Variants in WDTC1 observed in about 807,000 individuals in gnomAD.
WDTC1 encodes the protein WD and tetratricopeptide repeats 1.
In WDTC1, 12 loss-of-function variants were observed where a neutral mutation model predicts 76.0. The observed-to-expected ratio is 0.16, with a 90% CI of 0.10 to 0.26. WDTC1 has a LOEUF of 0.26. Ranked by LOEUF, WDTC1 falls within the 10% of genes least tolerant of loss-of-function variation. The pLI is 1.00. For missense variants in WDTC1, 511 were observed against 908.8 expected, an observed-to-expected ratio of 0.56 and a Z score of 5.63; for synonymous variants, 326 against 350.8, an observed-to-expected ratio of 0.93 and a Z score of 0.79.
intron 9 of WDTC1, 84 bp downstream of exon 9, chr1:27,294,713 G>T: frequency 8.4e-7 from 1 of 1,196,828 alleles, no homozygotes; most frequent in Non-Finnish European, 1.2e-6. Context: ...CACTGCTGAG[G>T]CAGACAAGAC....
chr1:27,256,059 G>T (rs1275996065), intron 1 of WDTC1, among the ~76,000 whole-genome samples: 1 of 152,138 alleles, frequency 6.6e-6, no homozygotes, highest in African/African-American at 2.4e-5. Flanking sequence ...TTATTGAAAA[G>T]ATATTAAGGA....
Position 27,263,203 on chromosome 1 carries a change from A to G in WDTC1, c.100A>G (p.Ile34Val), listed in dbSNP as rs541475385. 2 of 1,613,502 alleles carry G rather than the reference A, an allele frequency of 1.2e-6. No homozygotes were observed. The highest frequency in any genetic ancestry group is 1.7e-5 in the Admixed American group (1 of 59,968). Residue 34 changes from isoleucine to valine, a missense_variant, in exon 3 of 16, where the codon ATC becomes GTC. Coordinates refer to ENST00000319394, the MANE Select transcript of WDTC1 (RefSeq NM_001276252.2). ...GCGCTACCATGTCACTGACCCCTTT[A>G]TCCGGCGGCTGGGCCTGGAAGCAGA... The part of the protein sequence containing the change: ...ERRYHVTDPF[I>V]RRLGLEAELQ...
At position 27,265,214 on chromosome 1, in the gene WDTC1, C is replaced by A. The variant is rs2147937464; in HGVS notation, c.132+1979C>A. Among the ~76,000 whole-genome samples the A allele has an allele frequency of 1.3e-5, 2 of 152,244 alleles. 1 individual carries two copies. Among genetic ancestry groups the A allele is most frequent in the South Asian group, 4.1e-4 (2 of 4,830 alleles). On this transcript the variant is annotated intron_variant, in intron 3 of 15. Coordinates refer to ENST00000319394, the MANE Select transcript of WDTC1 (RefSeq NM_001276252.2). ...ATTCAAATATTCCTTCCAATTCCAGCTTCTTTGTGAGGCTGGATTTTTTTC... is the reference window on the plus strand; with the variant it reads ...ATTCAAATATTCCTTCCAATTCCAGATTCTTTGTGAGGCTGGATTTTTTTC...
chr1:27,260,529 C>T (rs2012444798), intron 1 of WDTC1, among the ~76,000 whole-genome samples: 1 of 152,096 alleles, frequency 6.6e-6, no homozygotes, highest in African/African-American at 2.4e-5. Flanking sequence ...GTCTGTGATA[C>T]TGATTTGGTT....
At chr1:27,250,726 T>C (rs998692705) in intron 1 of WDTC1, among the ~76,000 whole-genome samples, 3 of 152,126 alleles carry the variant, frequency 2.0e-5, no homozygotes, top group Non-Finnish European at 2.9e-5. Flanking sequence ...ATATTACCAT[T>C]CAATTCTTGG....
At chr1:27,287,528 A>G (rs2013374878) in intron 5 of WDTC1, 146 bp from the exon 6 acceptor site, 6 of 844,614 alleles carry the variant, frequency 7.1e-6, no homozygotes, top group Non-Finnish European at 1.1e-5. Flanking sequence ...CTGGGATTAC[A>G]GGCATGAGCC....
At position 27,304,032 on chromosome 1, in the gene WDTC1, T is replaced by C. The variant is rs1171443325; in HGVS notation, c.1643+237T>C. On this transcript the variant is annotated intron_variant, in intron 14 of 15. Coordinates refer to ENST00000319394, the MANE Select transcript of WDTC1 (RefSeq NM_001276252.2). The stretch of plus-strand genomic sequence containing the variant: ...CTAATAAGATAACCCAAGTAGAGCC[T>C]CCAGCGCAGTGCCTGAACTACTCCT... The C allele has an allele frequency of 8.3e-6, 4 of 482,472 alleles. No individual in the cohort carries two copies. In the East Asian group the frequency reaches 1.7e-4, roughly 21 times the overall value. The allele number at this position is 482,472 out of a possible 1,614,324, so 29.9% of individuals were successfully genotyped here.
At chr1:27,260,150 G>GCTGGAGA (rs1421036096) in intron 1 of WDTC1, among the ~76,000 whole-genome samples, 1 of 152,112 alleles carries the variant, frequency 6.6e-6, no homozygotes, top group African/African-American at 2.4e-5. Context: ...TGTCGCCCAG[G>GCTGGAGA]CTGGAGTGCA....
chr1:27,248,931 A>G (rs1243147704), intron 1 of WDTC1, among the ~76,000 whole-genome samples: 1 of 152,150 alleles, frequency 6.6e-6, no homozygotes, highest in Non-Finnish European at 1.5e-5. Flanking sequence ...TGCTGGGATT[A>G]TAGACGTGAG....
chr1:27,303,875 A>G lies in WDTC1; in HGVS notation c.1643+80A>G. On this transcript the variant is annotated intron_variant, in intron 14 of 15. Coordinates refer to ENST00000319394, the MANE Select transcript of WDTC1 (RefSeq NM_001276252.2). The surrounding 1 kb of genome is among the most constrained non-coding windows in gnomAD (Gnocchi z 4.8). ...GGGAGTGTTGGGGCATAATGGTTTC[A>G]GAGAAGAATCTCAAATCCCTGCTCT... 6.4e-7 allele frequency: 1 copy of G among 1,561,430 alleles called. No homozygotes were observed. Among genetic ancestry groups the G allele is most frequent in the East Asian group, 2.3e-5 (1 of 43,186 alleles).
chr1:27,266,742 A>G (rs2012686577), intron 3 of WDTC1, among the ~76,000 whole-genome samples: 1 of 152,184 alleles, frequency 6.6e-6, no homozygotes, highest in African/African-American at 2.4e-5. Flanking sequence ...ATAATAGTTT[A>G]TCTTTGGCAT....
chr1:27,268,447 C>G (rs1415849759), intron 3 of WDTC1, among the ~76,000 whole-genome samples: 2 of 151,870 alleles, frequency 1.3e-5, no homozygotes, highest in African/African-American at 4.8e-5. Flanking sequence ...GTGACAGAGT[C>G]TTGCCCTGTC....
At chr1:27,241,628 C>T (rs2147900064) in intron 1 of WDTC1, among the ~76,000 whole-genome samples, 1 of 152,282 alleles carries the variant, frequency 6.6e-6, no homozygotes, top group Non-Finnish European at 1.5e-5. Context: ...CCAGAGCCTT[C>T]TCTACAAGAG....
chr1:27,238,511 A>G (rs1196266222), intron 1 of WDTC1, among the ~76,000 whole-genome samples: 2 of 152,046 alleles, frequency 1.3e-5, no homozygotes, highest in African/African-American at 2.4e-5. Context: ...ACAGAGTCTT[A>G]CTTCGTCATC....
At chr1:27,252,818 AAAAAG>A (rs909049524) in intron 1 of WDTC1, among the ~76,000 whole-genome samples, 1 of 151,890 alleles carries the variant, frequency 6.6e-6, no homozygotes, top group African/African-American at 2.4e-5. Context: ...AAAGAAAAAA[AAAAAG>A]TTACTTGTGG....
intron 3 of WDTC1, among the ~76,000 whole-genome samples, chr1:27,275,445 C>T (rs145025763): frequency 0.013 from 1,924 of 152,042 alleles, 23 homozygotes; most frequent in East Asian, 0.024. Flanking sequence ...TGGTGAAACC[C>T]CTTCTCTACT....
In WDTC1 at chr1:27,305,086, C is replaced by T; in HGVS notation, c.1729C>T (p.Gln577Ter). The T allele has an allele frequency of 6.2e-7, 1 of 1,614,098 alleles. No homozygotes were observed. The highest frequency in any genetic ancestry group is 8.5e-7 in the Non-Finnish European group (1 of 1,179,986). Residue 577 changes from glutamine to a stop codon, truncating the protein, a stop_gained, in exon 15 of 16, where the codon CAA becomes TAA. Coordinates refer to ENST00000319394, the MANE Select transcript of WDTC1 (RefSeq NM_001276252.2). LOFTEE classifies it high-confidence loss of function. The surrounding 1 kb of genome is among the most constrained non-coding windows in gnomAD (Gnocchi z 4.6). ...KETTNLVRVL[Q>*]GDESIVNCLQ... ...GACCACCAACCTGGTCCGTGTGCTC[C>T]AAGGGGATGAGTCCATTGTCAACTG... is the stretch of plus-strand genomic sequence containing the variant.
chr1:27,243,962 C>CA (rs146740401), intron 1 of WDTC1, among the ~76,000 whole-genome samples: 1 of 122,160 alleles, frequency 8.2e-6, no homozygotes, highest in African/African-American at 3.1e-5. Context: ...CCCATCTCTA[C>CA]AAAAAAAAAA....
chr1:27,306,584 A>C lies in WDTC1; in HGVS notation c.*201A>C. The C allele has an allele frequency of 1.5e-6, 1 of 648,222 alleles. No homozygotes were observed. The highest frequency in any genetic ancestry group is 2.0e-5 in the South Asian group (1 of 49,868). 40.2% of individuals were successfully genotyped at this position (648,222 alleles called of 1,614,324 possible). ...ACTCTGGGCTGATTGTCCCCTGACT[A>C]TCCCCAGCCCTGAAAAAAAGAGCAG... is the stretch of plus-strand genomic sequence containing the variant. On this transcript the variant is annotated 3_prime_UTR_variant, in exon 16 of 16. Transcript: ENST00000319394. The surrounding 1 kb of genome is among the most constrained non-coding windows in gnomAD (Gnocchi z 5.0).
Sources: gnomAD v4.1 joint callset for allele counts (sites outside exome capture counted in the v4.1 genomes callset) on GRCh38, gnomAD v4.1.1 for gene constraint, Gnocchi (gnomAD v3.1) non-coding constraint, MANE v1.5 for transcripts, NCBI Gene and HGNC (gene_info 2026-07-23, HGNC 2026-07-21) for gene names.